The following GDAP1 variants were observed in gnomAD, a reference collection of about 807,000 sequenced individuals.
GDAP1 encodes the protein ganglioside induced differentiation associated protein 1.
GDAP1 carries 34 observed loss-of-function variants against 40.1 expected under a neutral mutation model. That is an observed-to-expected ratio of 0.85 (90% CI 0.64 to 1.13). The LOEUF is 1.13. Ranked by LOEUF, GDAP1 falls within the 50% of genes most tolerant of loss-of-function variation. The pLI, the probability that GDAP1 is intolerant of heterozygous loss-of-function variation, is 0.00. For missense variants in GDAP1, 374 were observed against 433.7 expected (o/e 0.86, Z 1.22); for synonymous variants, 170 against 157.4 (o/e 1.08, Z -0.60).
chr8:74,371,492 C>T (rs1315782199), downstream of GDAP1, among the ~76,000 whole-genome samples: 2 of 151,848 alleles, frequency 1.3e-5, no homozygotes, highest in Non-Finnish European at 2.9e-5. Flanking sequence ...AACCCCGTCT[C>T]TACTAAAAAT....
chr8:74,354,607 A>G (rs1270895240), intron 2 of GDAP1, among the ~76,000 whole-genome samples: 1 of 152,244 alleles, frequency 6.6e-6, no homozygotes, highest in Non-Finnish European at 1.5e-5. Context: ...GAAAATAGGC[A>G]TGAGACTTTT....
At chr8:74,384,314 T>C (rs1809995406) in intron 2 of GDAP1, among the ~76,000 whole-genome samples, 1 of 152,124 alleles carries the variant, frequency 6.6e-6, no homozygotes, top group Non-Finnish European at 1.5e-5. Context: ...TCTCAGGCAA[T>C]CTCTTTTTCA....
chr8:74,461,728 G>C (rs189322575), intron 2 of GDAP1, among the ~76,000 whole-genome samples: 1 of 152,298 alleles, frequency 6.6e-6, no homozygotes, highest in African/African-American at 2.4e-5. Flanking sequence ...TGTTTTACAT[G>C]CTCACATGGG....
Position 74,388,609 on chromosome 8 carries a change from G to A in GDAP1, c.165+37288G>A, listed in dbSNP as rs192010825. On this transcript the variant is annotated intron_variant, in intron 2 of 2. Transcript: ENST00000523640. ...GTGTTTTACTTCCAATTATGTGGTC[G>A]ATTTTATAATAAGGGCTATGTGATG... is the stretch of plus-strand genomic sequence containing the variant. Among the ~76,000 whole-genome samples, 594 of 152,022 alleles carry A rather than the reference G, an allele frequency of 3.9e-3. 10 individuals are homozygous for A. Among genetic ancestry groups the A allele is most frequent in the Admixed American group, 0.027 (413 of 15,266 alleles).
At chr8:74,444,210 G>A (rs62523884) in intron 2 of GDAP1, among the ~76,000 whole-genome samples, 12 of 1,030 alleles carry the variant, frequency 0.012, no homozygotes, top group African/African-American at 0.03. Flanking sequence ...ACACACACAC[G>A]CGCGCACACA....
At chr8:74,472,269 G>T (rs1806567231) in intron 2 of GDAP1, among the ~76,000 whole-genome samples, 1 of 152,138 alleles carries the variant, frequency 6.6e-6, no homozygotes, top group South Asian at 2.1e-4. Flanking sequence ...ACATGATCTT[G>T]TTCCTTTTTA....
chr8:74,480,603 G>T (rs1806698470), intron 2 of GDAP1, among the ~76,000 whole-genome samples: 1 of 152,210 alleles, frequency 6.6e-6, no homozygotes, highest in Non-Finnish European at 1.5e-5. Context: ...AAAGGAAGTT[G>T]TTGCCTTACA....
chr8:74,364,447 C>T lies in GDAP1; in HGVS notation c.*80C>T. 4 of 1,346,798 alleles carry T rather than the reference C, an allele frequency of 3.0e-6. No homozygotes were observed. Among genetic ancestry groups the T allele is most frequent in the Non-Finnish European group, 4.2e-6 (4 of 947,860 alleles). The allele number at this position is 1,346,798 out of a possible 1,614,324, so 83.4% of individuals were successfully genotyped here. ...ATTGCCCGTGGCTCTCTGAGTCTGTCTTATTGAGTAGTTAGCAGTATTTTT... is the reference window on the plus strand; with the variant it reads ...ATTGCCCGTGGCTCTCTGAGTCTGTTTTATTGAGTAGTTAGCAGTATTTTT... On this transcript the variant is annotated 3_prime_UTR_variant, in exon 6 of 6. Transcript: ENST00000220822.
At chr8:74,439,012 GTGTGTA>G (rs1431697677) in intron 2 of GDAP1, among the ~76,000 whole-genome samples, 4 of 147,596 alleles carry the variant, frequency 2.7e-5, no homozygotes, top group African/African-American at 7.5e-5. Flanking sequence ...TGACATACGT[GTGTGTA>G]TGTGTATGTG....
chr8:74,414,919 A>G (rs1262130949), intron 2 of GDAP1, among the ~76,000 whole-genome samples: 1 of 150,154 alleles, frequency 6.7e-6, no homozygotes, highest in Non-Finnish European at 1.5e-5. Context: ...AGACGAAAAA[A>G]ATTATTCAAA....
intron 2 of GDAP1, among the ~76,000 whole-genome samples, chr8:74,463,646 T>G (rs558881829): frequency 2.0e-5 from 3 of 152,174 alleles, no homozygotes; most frequent in East Asian, 3.9e-4. Context: ...TTAATAGAAA[T>G]AAGTGTAAGA....
At position 74,377,329 on chromosome 8, in the gene GDAP1, A is replaced by G. The variant is rs1389392863; in HGVS notation, c.165+26008A>G. On this transcript the variant is annotated intron_variant, in intron 2 of 2. Coordinates refer to the GDAP1 transcript ENST00000523640. ...GATGTATAGTCGAAATATATAAAGT[A>G]TACCTCCAATTCAATAATAACACAA... Among the ~76,000 whole-genome samples, 3 of 152,338 alleles carry G rather than the reference A, an allele frequency of 2.0e-5. No homozygotes were observed. The East Asian group carries it at 5.8e-4, about 29-fold the overall frequency.
chr8:74,467,628 G>C (rs1293237243), intron 2 of GDAP1, among the ~76,000 whole-genome samples: 1 of 152,126 alleles, frequency 6.6e-6, no homozygotes, highest in Non-Finnish European at 1.5e-5. Flanking sequence ...ACAGAGAGTA[G>C]GTTCTTGGAA....
downstream of GDAP1, among the ~76,000 whole-genome samples, chr8:74,371,445 G>C (rs1005610490): frequency 6.6e-5 from 10 of 152,234 alleles, no homozygotes; most frequent in Middle Eastern, 0.01. Context: ...CGGATCACGA[G>C]GTCAGGAGAT....
At chr8:74,396,276 A>G (rs1318731319) in intron 2 of GDAP1, among the ~76,000 whole-genome samples, 1 of 151,892 alleles carries the variant, frequency 6.6e-6, no homozygotes, top group Non-Finnish European at 1.5e-5. Context: ...CACAATTCCA[A>G]TGTCATATTA....
Position 74,392,922 on chromosome 8 carries a change from G to T in GDAP1, c.165+41601G>T, listed in dbSNP as rs1349007999. 2.0e-5 allele frequency among the ~76,000 whole-genome samples: 3 copies of T among 152,312 alleles called. No homozygotes were observed. In the East Asian group the frequency reaches 5.8e-4, roughly 29 times the overall value. ...TTTACATTAGCCAGAAAAATCTACA[G>T]GGTCAAGACATGGACTTTTGGCAGT... On this transcript the variant is annotated intron_variant, in intron 2 of 2. Transcript: ENST00000523640.
chr8:74,471,970 A>T (rs1360887648), intron 2 of GDAP1, among the ~76,000 whole-genome samples: 1 of 152,100 alleles, frequency 6.6e-6, no homozygotes, highest in African/African-American at 2.4e-5. Context: ...TAGGTTCAGG[A>T]ATACATGTGC....
At chr8:74,461,493 A>C (rs1470458611) in intron 2 of GDAP1, among the ~76,000 whole-genome samples, 1 of 152,238 alleles carries the variant, frequency 6.6e-6, no homozygotes, top group African/African-American at 2.4e-5. Flanking sequence ...AAAAATAACA[A>C]CACAATTCAA....
intron 2 of GDAP1, among the ~76,000 whole-genome samples, chr8:74,413,439 A>G (rs1010812015): frequency 6.7e-6 from 1 of 149,954 alleles, no homozygotes; most frequent in Non-Finnish European, 1.5e-5. Context: ...GAGAGGGAGA[A>G]TGAGCACCAG....
Sources: gnomAD v4.1 joint callset for allele counts (sites outside exome capture counted in the v4.1 genomes callset) on GRCh38, gnomAD v4.1.1 for gene constraint, MANE v1.5 for transcripts, NCBI Gene and HGNC (gene_info 2026-07-23, HGNC 2026-07-21) for gene names.